Variants in PHF20 observed in about 807,000 individuals in gnomAD.
PHF20 encodes the protein glioma-expressed antigen 2.
In PHF20, 23 loss-of-function variants were observed where a neutral mutation model predicts 113.5. That is an observed-to-expected ratio of 0.20 (90% CI 0.15 to 0.29). PHF20 has a LOEUF of 0.29. Among genes scored for constraint, PHF20 ranks in the 10% least tolerant of loss-of-function variants. PHF20 has a pLI of 1.00. For synonymous variants in PHF20, 434 were observed against 457.3 expected (o/e 0.95, Z 0.65); for missense variants, 943 against 1,219.6 (o/e 0.77, Z 3.38).
intron 10 of PHF20, among the ~76,000 whole-genome samples, chr20:35,903,872 C>T (rs900406819): frequency 6.6e-6 from 1 of 152,212 alleles, no homozygotes; most frequent in Admixed American, 6.5e-5. Flanking sequence ...CTGCCTTATT[C>T]TGCTGCAGCT....
chr20:35,811,998 C>T (rs567251307), intron 2 of PHF20, among the ~76,000 whole-genome samples: 1 of 151,914 alleles, frequency 6.6e-6, no homozygotes, highest in South Asian at 2.1e-4. Flanking sequence ...TGGTCTCGAT[C>T]TCCTGACCTC....
At chr20:35,852,788 G>A (rs1474739629) in intron 4 of PHF20, among the ~76,000 whole-genome samples, 8 of 151,606 alleles carry the variant, frequency 5.3e-5, no homozygotes, top group African/African-American at 1.2e-4. Flanking sequence ...TAGTAGAGAC[G>A]GGGTTTCACC....
intron 17 of PHF20, among the ~76,000 whole-genome samples, chr20:35,944,679 C>G (rs2056054541): frequency 6.6e-6 from 1 of 152,194 alleles, no homozygotes. Flanking sequence ...TTAAGCGACT[C>G]TTCCTTCCTC....
In PHF20 at chr20:35,871,081, T is replaced by C. The variant is rs1319662069; in HGVS notation, c.1049T>C (p.Val350Ala). Residue 350 changes from valine (V) to alanine (A), a missense_variant, in exon 8 of 18, where the codon GTT becomes GCT. Val to Ala is a moderately conservative substitution (Grantham distance 64, BLOSUM62 0). Around this residue, in one of 3 missense-constraint regions of PHF20, gnomAD observed 592 missense variants for 787.2 expected, o/e 0.75. Transcript: ENST00000374012. ...CCTGACTTGGTTGTATCAGATTTGG[T>C]TGATACGGATCCTTTGCAAGACACG... ...LDPDLVVSDL[V>A]DTDPLQDTLS... 5 of 1,613,418 alleles carry C rather than the reference T, an allele frequency of 3.1e-6. No individual in the cohort carries two copies. Among genetic ancestry groups the C allele is most frequent in the Non-Finnish European group, 4.2e-6 (5 of 1,179,830 alleles).
intron 1 of PHF20, among the ~76,000 whole-genome samples, chr20:35,787,006 T>G (rs1225098036): frequency 1.4e-5 from 2 of 145,172 alleles, no homozygotes; most frequent in Middle Eastern, 3.6e-3. Context: ...TTTTTTTTTT[T>G]GGAGACAGGG....
At chr20:35,860,751 T>A (rs1045932845) in intron 5 of PHF20, among the ~76,000 whole-genome samples, 2 of 152,172 alleles carry the variant, frequency 1.3e-5, no homozygotes, top group Non-Finnish European at 2.9e-5. Flanking sequence ...TTTGGCAATT[T>A]TTGTGTTAGG....
chr20:35,931,763 C>T (rs1315168629), intron 15 of PHF20, among the ~76,000 whole-genome samples: 1 of 151,924 alleles, frequency 6.6e-6, no homozygotes, highest in Non-Finnish European at 1.5e-5. Flanking sequence ...CCAGCCTGAC[C>T]AACATGGTGA....
At chr20:35,823,070 A>G (rs2146905122) in intron 2 of PHF20, among the ~76,000 whole-genome samples, 1 of 152,094 alleles carries the variant, frequency 6.6e-6, no homozygotes, top group East Asian at 1.9e-4. Flanking sequence ...TATAATGTAT[A>G]TGTGTATGTT....
intron 17 of PHF20, among the ~76,000 whole-genome samples, chr20:35,943,313 T>G (rs892299894): frequency 6.6e-6 from 1 of 151,796 alleles, no homozygotes; most frequent in African/African-American, 2.4e-5. Flanking sequence ...CACTCCAGAC[T>G]GGGCAACAGA....
At position 35,842,583 on chromosome 20, in the gene PHF20, C is replaced by T. The variant is rs375907176; in HGVS notation, c.94C>T (p.His32Tyr). The change falls in exon 3 of 18, where the codon CAC becomes TAC. Residue 32 changes from histidine to tyrosine, a missense_variant. Transcript: ENST00000374012. ...TTTTTTCTGACTCAGGTATCCAGCTCACATAGAAGACATTGACTACGAGGA... is the reference window on the plus strand; with the variant it reads ...TTTTTTCTGACTCAGGTATCCAGCTTACATAGAAGACATTGACTACGAGGA... ...RDRLKNWYPAHIEDIDYEEGK... is the reference protein window; with the variant it reads ...RDRLKNWYPAYIEDIDYEEGK... The T allele has an allele frequency of 1.9e-6, 3 of 1,610,622 alleles. No individual in the cohort carries two copies. Among genetic ancestry groups the T allele is most frequent in the Non-Finnish European group, 1.7e-6 (2 of 1,179,040 alleles).
At chr20:35,932,074 T>G (rs963967479) in intron 15 of PHF20, among the ~76,000 whole-genome samples, 3 of 151,432 alleles carry the variant, frequency 2.0e-5, no homozygotes, top group African/African-American at 4.8e-5. Context: ...CTGAGTGTTT[T>G]TTTTTTTTTT....
chr20:35,860,147 C>A (rs1005393546), intron 5 of PHF20, among the ~76,000 whole-genome samples: 6 of 151,940 alleles, frequency 3.9e-5, no homozygotes, highest in African/African-American at 1.5e-4. Flanking sequence ...GAACTCCTGA[C>A]CTCAAGTGAT....
chr20:35,938,623 G>A (rs2055912789), intron 15 of PHF20, 74 bp from the exon 16 acceptor site: 2 of 1,413,144 alleles, frequency 1.4e-6, no homozygotes, highest in African/African-American at 1.4e-5. Flanking sequence ...TACTGGGAGA[G>A]TATTTAGGAA....
chr20:35,918,939 C>T (rs1195515622), intron 13 of PHF20, among the ~76,000 whole-genome samples: 1 of 152,168 alleles, frequency 6.6e-6, no homozygotes, highest in African/African-American at 2.4e-5. Flanking sequence ...CAGGCCCAGC[C>T]CCTTTGGCTT....
chr20:35,881,539 T>TAA (rs373064389), intron 9 of PHF20, among the ~76,000 whole-genome samples: 17 of 109,390 alleles, frequency 1.6e-4, no homozygotes, highest in South Asian at 5.6e-4. Flanking sequence ...AGACTCTGTC[T>TAA]AAAAAAAAAA....
intron 5 of PHF20, among the ~76,000 whole-genome samples, chr20:35,858,695 T>C (rs1244904752): frequency 6.6e-6 from 1 of 152,174 alleles, no homozygotes; most frequent in East Asian, 1.9e-4. Flanking sequence ...CTCAGCCTCC[T>C]GAGTTGCTGG....
intron 1 of PHF20, among the ~76,000 whole-genome samples, chr20:35,797,592 C>G (rs577784266): frequency 6.7e-6 from 1 of 148,988 alleles, no homozygotes; most frequent in Non-Finnish European, 1.5e-5. Flanking sequence ...ATTTTATCAT[C>G]TAGATAATTC....
intron 4 of PHF20, among the ~76,000 whole-genome samples, chr20:35,855,769 G>C (rs753447128): frequency 6.6e-6 from 1 of 152,002 alleles, no homozygotes; most frequent in African/African-American, 2.4e-5. Context: ...CACTTCCTGG[G>C]TTCAGGCGAT....
chr20:35,899,919 G>A (rs2055063075), intron 10 of PHF20, among the ~76,000 whole-genome samples: 1 of 152,140 alleles, frequency 6.6e-6, no homozygotes, highest in Non-Finnish European at 1.5e-5. Flanking sequence ...TCAAGCAAAG[G>A]GACCTTATTC....
Sources: gnomAD v4.1 joint callset for allele counts (sites outside exome capture counted in the v4.1 genomes callset) on GRCh38, gnomAD v4.1.1 for gene constraint, gnomAD v4.1.1 regional missense constraint, MANE v1.5 for transcripts, NCBI Gene and HGNC (gene_info 2026-07-23, HGNC 2026-07-21) for gene names.